CDS2: variants seen among roughly 807,000 people sequenced by gnomAD.
CDS2 encodes the protein phosphatidate cytidylyltransferase 2.
Under a neutral mutation model 59.0 loss-of-function variants are expected in CDS2, and 47 were observed. That is an observed-to-expected ratio of 0.80 (90% CI 0.63 to 1.02). The LOEUF (loss-of-function observed/expected upper bound fraction) is 1.02, where lower values mean the gene tolerates loss of function less well. Among genes scored for constraint, CDS2 ranks in the 50% least tolerant of loss-of-function variants. The pLI, the probability that CDS2 is intolerant of heterozygous loss-of-function variation, is 0.00. For missense variants in CDS2, 356 were observed against 558.9 expected (o/e 0.64, Z 3.66); for synonymous variants, 207 against 206.4 (o/e 1.00, Z -0.02).
At chr20:5,157,001 G>A (rs1484896381) in intron 1 of CDS2, among the ~76,000 whole-genome samples, 4 of 152,136 alleles carry the variant, frequency 2.6e-5, no homozygotes, top group Non-Finnish European at 5.9e-5. Context: ...TGGAGTAGGG[G>A]GTGGGAAGAG....
At position 5,189,099 on chromosome 20, in the gene CDS2, C is replaced by T. The variant is rs1393752261; in HGVS notation, c.1014C>T (p.His338=). The T allele has an allele frequency of 6.2e-7, 1 of 1,614,078 alleles. No individual in the cohort carries two copies. The highest frequency in any genetic ancestry group is 8.5e-7 in the Non-Finnish European group (1 of 1,180,028). ...KTVRMYPFQI[H]SIALSTFASL... ...TCCGGATGTACCCCTTCCAGATTCA[C>T]AGCATCGCTCTCTCCACCTTTGCCT... The change falls in exon 11 of 13, where the codon CAC becomes CAT. Residue 338 remains histidine, a synonymous_variant. Transcript: ENST00000460006.
At chr20:5,185,355 G>T (rs1362769574) in intron 8 of CDS2, among the ~76,000 whole-genome samples, 1 of 152,126 alleles carries the variant, frequency 6.6e-6, no homozygotes, top group African/African-American at 2.4e-5. Context: ...AGCCCAGGAG[G>T]TTGAGGCTTC....
At chr20:5,139,139 C>T (rs558883031) in intron 1 of CDS2, among the ~76,000 whole-genome samples, 12 of 152,254 alleles carry the variant, frequency 7.9e-5, no homozygotes, top group African/African-American at 2.2e-4. Flanking sequence ...GCCAGGAGTT[C>T]GAAACCAGCC....
intron 1 of CDS2, among the ~76,000 whole-genome samples, chr20:5,158,791 G>A (rs986895414): frequency 1.3e-5 from 2 of 152,152 alleles, no homozygotes; most frequent in Non-Finnish European, 2.9e-5. Flanking sequence ...TATCTTACAA[G>A]GTGCATCCTC....
intron 1 of CDS2, among the ~76,000 whole-genome samples, chr20:5,160,402 AGTAGG>A (rs1037190631): frequency 6.6e-6 from 1 of 152,140 alleles, no homozygotes; most frequent in African/African-American, 2.4e-5. Context: ...TCCTCACAGT[AGTAGG>A]GGAACCAGAG....
At chr20:5,177,469 GCTTT>G (rs943789190) in intron 4 of CDS2, among the ~76,000 whole-genome samples, 3 of 152,128 alleles carry the variant, frequency 2.0e-5, no homozygotes, top group Non-Finnish European at 4.4e-5. Context: ...AAAGGATTCA[GCTTT>G]CTTAAAGCAA....
At chr20:5,163,113 G>A (rs530001842) in intron 1 of CDS2, among the ~76,000 whole-genome samples, 79 of 152,222 alleles carry the variant, frequency 5.2e-4, no homozygotes, top group Non-Finnish European at 9.6e-4. Context: ...GGAGGCCAAA[G>A]CGTGAGGATC....
chr20:5,186,916 C>T, intron 10 of CDS2, 77 bp downstream of exon 10: 3 of 1,532,432 alleles, frequency 2.0e-6, no homozygotes, highest in Non-Finnish European at 2.7e-6. Flanking sequence ...ATCACCTGCC[C>T]TCTGAAAAAA....
At chr20:5,155,954 G>A (rs2090830537) in intron 1 of CDS2, among the ~76,000 whole-genome samples, 1 of 152,126 alleles carries the variant, frequency 6.6e-6, no homozygotes, top group Non-Finnish European at 1.5e-5. Flanking sequence ...GGAGCAGGTG[G>A]TGTGAGGGAT....
At chr20:5,139,252 A>G (rs1350232978) in intron 1 of CDS2, among the ~76,000 whole-genome samples, 1 of 152,078 alleles carries the variant, frequency 6.6e-6, no homozygotes, top group East Asian at 1.9e-4. Flanking sequence ...TGAGGCTAGA[A>G]CTTGGATTTG....
intron 1 of CDS2, among the ~76,000 whole-genome samples, chr20:5,163,060 A>T (rs1289731546): frequency 6.6e-6 from 1 of 152,112 alleles, no homozygotes; most frequent in African/African-American, 2.4e-5. Context: ...AAGTAATTTG[A>T]TGGCCAGGTA....
intron 11 of CDS2, 74 bp from the exon 12 acceptor site, chr20:5,189,661 G>A: frequency 2.9e-6 from 3 of 1,047,656 alleles, no homozygotes; most frequent in Non-Finnish European, 4.4e-6. Flanking sequence ...GCCTGACATT[G>A]GGGTGGGACC....
In CDS2 at chr20:5,168,511, G is replaced by A. The variant is rs151331837; in HGVS notation, c.58-5012G>A. The A allele has an allele frequency of 3.4e-3, 1,581 of 470,974 alleles. 20 individuals are homozygous for A. The highest frequency in any genetic ancestry group is 0.025 in the African/African-American group (1,250 of 50,980). 29.2% of individuals were successfully genotyped at this position (470,974 alleles called of 1,614,324 possible). ...TGTGGAGCCTGACACAGTGCCCAAG[G>A]GATTCTCTCTAGCCATGGGCACAGC... On this transcript the variant is annotated intron_variant, in intron 1 of 12. Coordinates refer to ENST00000460006, the MANE Select transcript of CDS2 (RefSeq NM_003818.4).
Position 5,175,163 on chromosome 20 carries a change from T to C in CDS2, c.195-20T>C, listed in dbSNP as rs1294823863. ...GGGCTCCTAACTGGTGTTTTCTCCT[T>C]CCCCTGCTCTCTGACCTAGATGGAA... On this transcript the variant is annotated intron_variant, in intron 2 of 12. Transcript: ENST00000460006. 6.3e-7 allele frequency: 1 copy of C among 1,594,256 alleles called. No individual in the cohort carries two copies. The highest frequency in any genetic ancestry group is 1.3e-5 in the African/African-American group (1 of 74,496).
intron 1 of CDS2, among the ~76,000 whole-genome samples, chr20:5,140,990 A>C (rs1340851978): frequency 2.0e-5 from 3 of 152,182 alleles, no homozygotes; most frequent in Non-Finnish European, 4.4e-5. Context: ...CCCTTATTAA[A>C]GTCTCTTGTT....
chr20:5,154,246 C>A (rs1003892218), intron 1 of CDS2, among the ~76,000 whole-genome samples: 5 of 152,154 alleles, frequency 3.3e-5, no homozygotes, highest in Admixed American at 6.5e-5. Flanking sequence ...CCCCAGTTGC[C>A]GAGCCTGGAG....
intron 11 of CDS2, 116 bp downstream of exon 11, chr20:5,189,302 G>T: frequency 1.8e-6 from 2 of 1,142,764 alleles, no homozygotes; most frequent in African/African-American, 3.1e-5. Flanking sequence ...TTTAATGTGT[G>T]ATCTTGACCC....
chr20:5,134,207 T>C (rs2090630398), intron 1 of CDS2, among the ~76,000 whole-genome samples: 2 of 152,172 alleles, frequency 1.3e-5, no homozygotes, highest in African/African-American at 4.8e-5. Flanking sequence ...CAAGGCGCCT[T>C]ACCCAGGCAG....
intron 5 of CDS2, among the ~76,000 whole-genome samples, chr20:5,179,418 G>A (rs781744605): frequency 5.3e-5 from 8 of 152,228 alleles, no homozygotes; most frequent in African/African-American, 1.7e-4. Flanking sequence ...CACCACGCCC[G>A]GCCTTGTAGG....
Sources: gnomAD v4.1 joint callset for allele counts (sites outside exome capture counted in the v4.1 genomes callset) on GRCh38, gnomAD v4.1.1 for gene constraint, MANE v1.5 for transcripts, NCBI Gene and HGNC (gene_info 2026-07-23, HGNC 2026-07-21) for gene names.